Variants in TMEM132D observed in about 807,000 individuals in gnomAD.
The protein encoded by TMEM132D is transmembrane protein 132D.
In TMEM132D, 21 loss-of-function variants were observed where a neutral mutation model predicts 62.3. The ratio of observed to expected loss-of-function variants is 0.34; its 90% CI spans 0.24 to 0.49. The LOEUF (loss-of-function observed/expected upper bound fraction) is 0.49. TMEM132D is among the 20% of genes least tolerant of loss of function. The pLI, the probability that TMEM132D is intolerant of heterozygous loss-of-function variation, is 0.99. For synonymous variants in TMEM132D, 621 were observed against 575.6 expected (o/e 1.08, Z -1.13); for missense variants, 1,346 against 1,402.8 (o/e 0.96, Z 0.65).
intron 2 of TMEM132D, among the ~76,000 whole-genome samples, chr12:129,561,162 T>C (rs1194599451): frequency 2.0e-5 from 3 of 152,208 alleles, no homozygotes; most frequent in African/African-American, 7.2e-5. Context: ...GAGATGATAC[T>C]TAAGGTGGAA....
intron 1 of TMEM132D, among the ~76,000 whole-genome samples, chr12:129,850,358 G>A (rs1052399079): frequency 1.3e-5 from 2 of 152,118 alleles, no homozygotes; most frequent in African/African-American, 4.8e-5. Flanking sequence ...CTTTGACTGG[G>A]GCCAGGCCTG....
chr12:129,139,882 T>C (rs1006658784), intron 5 of TMEM132D, among the ~76,000 whole-genome samples: 1 of 151,970 alleles, frequency 6.6e-6, no homozygotes, highest in African/African-American at 2.4e-5. Context: ...AGCTAATTTT[T>C]GTATTTTTTT....
At chr12:129,562,913 C>A (rs530642209) in intron 2 of TMEM132D, among the ~76,000 whole-genome samples, 16 of 152,314 alleles carry the variant, frequency 1.1e-4, no homozygotes, top group African/African-American at 3.8e-4. Flanking sequence ...AGATAAGCAT[C>A]CCCTGTACTC....
At chr12:129,820,227 G>T (rs1872506629) in intron 1 of TMEM132D, among the ~76,000 whole-genome samples, 1 of 152,062 alleles carries the variant, frequency 6.6e-6, no homozygotes, top group South Asian at 2.1e-4. Flanking sequence ...GGAATTTAGG[G>T]GCCAGTTGTT....
intron 2 of TMEM132D, among the ~76,000 whole-genome samples, chr12:129,643,535 T>C (rs1258643367): frequency 6.6e-6 from 1 of 152,192 alleles, no homozygotes; most frequent in Non-Finnish European, 1.5e-5. Flanking sequence ...ATAGATTTGC[T>C]GCCCCCTTTT....
intron 1 of TMEM132D, among the ~76,000 whole-genome samples, chr12:129,758,869 G>A (rs986935071): frequency 1.1e-4 from 17 of 151,972 alleles, no homozygotes; most frequent in Admixed American, 1.1e-3. Flanking sequence ...TTTTATAGAG[G>A]TACAAACTGA....
intron 4 of TMEM132D, among the ~76,000 whole-genome samples, chr12:129,323,698 T>G (rs981727697): frequency 7.2e-5 from 11 of 152,196 alleles, no homozygotes; most frequent in African/African-American, 2.4e-4. Flanking sequence ...ACCAAGCACT[T>G]TGATTTAGGT....
At chr12:129,689,030 T>C (rs1880998065) in intron 2 of TMEM132D, among the ~76,000 whole-genome samples, 1 of 152,186 alleles carries the variant, frequency 6.6e-6, no homozygotes, top group Admixed American at 6.5e-5. Flanking sequence ...AGGCATCTAG[T>C]AGTCAGAGGC....
intron 2 of TMEM132D, among the ~76,000 whole-genome samples, chr12:129,608,546 G>C (rs1053726365): frequency 2.0e-5 from 3 of 152,162 alleles, no homozygotes; most frequent in Non-Finnish European, 4.4e-5. Context: ...TGGAAATGCA[G>C]TCAATTTTCT....
At chr12:129,578,278 G>A (rs1593073126) in intron 2 of TMEM132D, among the ~76,000 whole-genome samples, 1 of 152,164 alleles carries the variant, frequency 6.6e-6, no homozygotes, top group East Asian at 1.9e-4. Flanking sequence ...GCCCCAGCTT[G>A]CAAGTGGTAG....
chr12:129,278,491 C>T (rs563321693), intron 4 of TMEM132D, among the ~76,000 whole-genome samples: 1 of 152,244 alleles, frequency 6.6e-6, no homozygotes, highest in South Asian at 2.1e-4. Context: ...TCCATCTTAA[C>T]CCCCGTCTTG....
At chr12:129,706,213 A>G (rs1419358333) in intron 1 of TMEM132D, among the ~76,000 whole-genome samples, 2 of 151,982 alleles carry the variant, frequency 1.3e-5, no homozygotes, top group Non-Finnish European at 2.9e-5. Flanking sequence ...AAGTTAAAAG[A>G]AAAAAAAGTT....
At chr12:129,509,654 C>G (rs1471526961) in intron 3 of TMEM132D, among the ~76,000 whole-genome samples, 2 of 152,238 alleles carry the variant, frequency 1.3e-5, no homozygotes, top group East Asian at 3.9e-4. Flanking sequence ...TGGTAACCAT[C>G]CTTATACTAT....
chr12:129,787,866 G>A (rs115852127), intron 1 of TMEM132D, among the ~76,000 whole-genome samples: 49 of 152,354 alleles, frequency 3.2e-4, no homozygotes, highest in African/African-American at 1.1e-3. Context: ...GGATCCTGCA[G>A]GGAAGGAGGC....
At chr12:129,382,127 A>G (rs996414756) in intron 3 of TMEM132D, among the ~76,000 whole-genome samples, 2 of 152,244 alleles carry the variant, frequency 1.3e-5, no homozygotes, top group Non-Finnish European at 2.9e-5. Context: ...CTACCAAAAA[A>G]TAATTTAAAT....
chr12:129,147,283 CATGTGCATATGT>C (rs1370564909), intron 5 of TMEM132D, among the ~76,000 whole-genome samples: 1 of 146,566 alleles, frequency 6.8e-6, no homozygotes. Context: ...TATATATATA[CATGTGCATATGT>C]ATATATATAC....
chr12:129,481,502 T>TAACC (rs1874429494), intron 3 of TMEM132D, among the ~76,000 whole-genome samples: 2 of 147,712 alleles, frequency 1.4e-5, no homozygotes, highest in South Asian at 4.3e-4. Context: ...TAAGACAAAC[T>TAACC]AACCTATAAA....
intron 5 of TMEM132D, among the ~76,000 whole-genome samples, chr12:129,099,678 A>G (rs1411722503): frequency 6.6e-6 from 1 of 152,268 alleles, no homozygotes; most frequent in Non-Finnish European, 1.5e-5. Context: ...GAAGGAACAC[A>G]GGAATTCTCA....
chr12:129,723,956 C>T (rs1868935204), intron 1 of TMEM132D, among the ~76,000 whole-genome samples: 1 of 152,162 alleles, frequency 6.6e-6, no homozygotes, highest in African/African-American at 2.4e-5. Context: ...GACTATGTCA[C>T]TTACCCCTTA....
Sources: gnomAD v4.1 joint callset for allele counts (sites outside exome capture counted in the v4.1 genomes callset) on GRCh38, gnomAD v4.1.1 for gene constraint, MANE v1.5 for transcripts, NCBI Gene and HGNC (gene_info 2026-07-23, HGNC 2026-07-21) for gene names.